The following TET3 variants were observed in gnomAD, a reference collection of about 807,000 sequenced individuals.
TET3 encodes methylcytosine dioxygenase TET3.
A neutral mutation model predicts 141.4 loss-of-function variants in TET3; 19 were observed. The ratio of observed to expected loss-of-function variants is 0.13; its 90% CI spans 0.09 to 0.20. The LOEUF (loss-of-function observed/expected upper bound fraction) is 0.20. Among genes scored for constraint, TET3 ranks in the 10% least tolerant of loss-of-function variants. The pLI is 1.00. For synonymous variants in TET3, 1,043 were observed against 980.9 expected, an observed-to-expected ratio of 1.06 and a Z score of -1.18; for missense variants, 1,874 against 2,356.9, an observed-to-expected ratio of 0.80 and a Z score of 4.24.
At chr2:74,000,575 G>A (rs530990094) in intron 2 of TET3, among the ~76,000 whole-genome samples, 2 of 152,186 alleles carry the variant, frequency 1.3e-5, no homozygotes, top group African/African-American at 2.4e-5. Flanking sequence ...GAGCAGCACC[G>A]GGAAGTCTCT....
At position 73,987,121 on chromosome 2, in the gene TET3, G is replaced by A. The variant is rs77976256; in HGVS notation, c.303+415G>A. On this transcript the variant is annotated intron_variant, in intron 2 of 11. Transcript: ENST00000409262. ...AGACAAAGTTTTGGATTGACAGGGT[G>A]GTTTTATGATGCCCTGATGGAGTGG... 7.2e-4 allele frequency among the ~76,000 whole-genome samples: 110 copies of A among 152,270 alleles called. 5 individuals are homozygous for A. In the East Asian group the frequency reaches 0.02, roughly 28 times the overall value.
chr2:74,123,680 C>T, the TET3 span, among the ~76,000 whole-genome samples: 6 of 152,308 alleles, frequency 3.9e-5, no homozygotes, highest in Admixed American at 3.3e-4. Context: ...GGCCACCACC[C>T]CGTCTGGGAA....
At chr2:74,122,507 A>ATTTTTTTT in the TET3 span, 1 of 65,152 alleles carries the variant, frequency 1.5e-5, no homozygotes, top group Non-Finnish European at 2.8e-5. Context: ...ATATATATAT[A>ATTTTTTTT]TATATTTTTT....
At chr2:74,122,511 A>ATATATATATATATATATATT in the TET3 span, 1 of 47,556 alleles carries the variant, frequency 2.1e-5, no homozygotes, top group African/African-American at 8.1e-5. Flanking sequence ...ATATATATAT[A>ATATATATATATATATATATT]TTTTTTTTTT....
chr2:74,134,650 T>C, the TET3 span: 2 of 455,580 alleles, frequency 4.4e-6, no homozygotes, highest in African/African-American at 4.0e-5. Context: ...GAGCAGAAAA[T>C]AATTTAGTGA....
chr2:74,056,767 A>G (rs1193370031), intron 4 of TET3, among the ~76,000 whole-genome samples: 1 of 152,236 alleles, frequency 6.6e-6, no homozygotes, highest in Non-Finnish European at 1.5e-5. Flanking sequence ...CAATAAAAAT[A>G]GAGGAAAAGC....
rs762250795 is a variant in TET3 at position 74,036,044 on chromosome 2, G to A, written c.361-10234G>A. Among the ~76,000 whole-genome samples, 136 of 152,122 alleles carry A rather than the reference G, an allele frequency of 8.9e-4. 1 individual carries two copies. Among genetic ancestry groups the A allele is most frequent in the Non-Finnish European group, 2.9e-4 (20 of 68,026 alleles). On this transcript the variant is annotated intron_variant, in intron 3 of 11. Coordinates refer to ENST00000409262, the MANE Select transcript of TET3 (RefSeq NM_001287491.2). ...AAAAAAGTTCTTGCTAAACCCCGTC[G>A]GCACTTGGTATTAAACTAAAATACC...
chr2:74,019,389 C>G (rs1685909714), intron 3 of TET3, among the ~76,000 whole-genome samples: 1 of 152,162 alleles, frequency 6.6e-6, no homozygotes, highest in Non-Finnish European at 1.5e-5. Context: ...TTCTGTTATA[C>G]TTTGTATCCC....
chr2:74,002,547 A>T (rs1263058532), intron 2 of TET3, among the ~76,000 whole-genome samples: 1 of 152,058 alleles, frequency 6.6e-6, no homozygotes, highest in South Asian at 2.1e-4. Flanking sequence ...CCTGGGAAGC[A>T]GCCAGCGCGG....
the TET3 span, among the ~76,000 whole-genome samples, chr2:74,132,349 A>T: frequency 6.6e-6 from 1 of 152,138 alleles, no homozygotes; most frequent in African/African-American, 2.4e-5. Flanking sequence ...ATTCAAGATG[A>T]GCCAAACAGA....
Position 74,099,445 on chromosome 2 carries a change from C to T in TET3, c.3437C>T (p.Pro1146Leu). ...SGAIQVLTAF[P>L]REVRRLPEPA... ...GCCATCCAGGTGCTCACCGCCTTCC[C>T]CCGCGAGGTCCGACGCCTGCCCGAG... Residue 1146 changes from proline to leucine, a missense_variant, in exon 11 of 12, where the codon CCC becomes CTC. Pro to Leu is a moderately conservative substitution (Grantham distance 98). Coordinates refer to ENST00000409262, the MANE Select transcript of TET3 (RefSeq NM_001287491.2). The T allele has an allele frequency of 6.2e-7, 1 of 1,613,934 alleles. No individual in the cohort carries two copies. The highest frequency in any genetic ancestry group is 8.5e-7 in the Non-Finnish European group (1 of 1,179,890).
intron 4 of TET3, among the ~76,000 whole-genome samples, chr2:74,061,376 C>T (rs1688542271): frequency 7.1e-6 from 1 of 140,218 alleles, no homozygotes; most frequent in East Asian, 2.2e-4. Context: ...GGGGCTGACC[C>T]CCCCACCTCC....
At chr2:74,007,182 T>G (rs1315626395) in intron 3 of TET3, among the ~76,000 whole-genome samples, 1 of 152,208 alleles carries the variant, frequency 6.6e-6, no homozygotes, top group Non-Finnish European at 1.5e-5. Flanking sequence ...CTTTTGTGTT[T>G]TGTATATTGA....
At chr2:74,048,835 A>G (rs1687790378) in intron 4 of TET3, among the ~76,000 whole-genome samples, 1 of 152,146 alleles carries the variant, frequency 6.6e-6, no homozygotes, top group Non-Finnish European at 1.5e-5. Context: ...GGGGTTGGGT[A>G]TATGTGGAGA....
chr2:74,098,293 A>T (rs1183231648), intron 10 of TET3, among the ~76,000 whole-genome samples: 1 of 152,264 alleles, frequency 6.6e-6, no homozygotes, highest in Non-Finnish European at 1.5e-5. Context: ...TTTGATAATG[A>T]GATTAACACA....
the TET3 span, among the ~76,000 whole-genome samples, chr2:74,118,065 TA>T: frequency 6.6e-6 from 1 of 152,304 alleles, no homozygotes; most frequent in South Asian, 2.1e-4. Flanking sequence ...TATAAAAAAT[TA>T]AAATTGATAA....
In TET3 at chr2:74,093,680, C is replaced by T; in HGVS notation, c.3267+14C>T. ...GGGTGCACCGTGGTAAGCCTGTGCC[C>T]TGTCATAGCCCCACCTGTGGGGCAA... On this transcript the variant is annotated intron_variant, in intron 10 of 11. Transcript: ENST00000409262. The surrounding 1 kb of genome is among the most constrained non-coding windows in gnomAD (Gnocchi z 4.2). The T allele has an allele frequency of 1.3e-6, 2 of 1,570,086 alleles. No individual in the cohort carries two copies. Among genetic ancestry groups the T allele is most frequent in the Non-Finnish European group, 1.7e-6 (2 of 1,153,856 alleles).
At chr2:74,014,473 A>G (rs1186763810) in intron 3 of TET3, among the ~76,000 whole-genome samples, 1 of 151,094 alleles carries the variant, frequency 6.6e-6, no homozygotes, top group South Asian at 2.1e-4. Flanking sequence ...GCACTTGGTG[A>G]CTCCCTTGGG....
In TET3 at chr2:74,087,465, A is replaced by G. The variant is rs1690224463; in HGVS notation, c.2680-365A>G. Among the ~76,000 whole-genome samples, 1 of 152,214 alleles carries G rather than the reference A, an allele frequency of 6.6e-6. No individual in the cohort carries two copies. Among genetic ancestry groups the G allele is most frequent in the Admixed American group, 6.5e-5 (1 of 15,280 alleles). Reference sequence around the variant, plus strand: ...CAGGTAGGCAGCATTTTCTCTGCAAATGTTTTAGGATAACATAAAAATCTG... The same window carrying G: ...CAGGTAGGCAGCATTTTCTCTGCAAGTGTTTTAGGATAACATAAAAATCTG... On this transcript the variant is annotated intron_variant, in intron 6 of 11. Coordinates refer to ENST00000409262, the MANE Select transcript of TET3 (RefSeq NM_001287491.2). The surrounding 1 kb of genome is among the most constrained non-coding windows in gnomAD (Gnocchi z 4.3).
Sources: gnomAD v4.1 joint callset for allele counts (sites outside exome capture counted in the v4.1 genomes callset) on GRCh38, gnomAD v4.1.1 for gene constraint, Gnocchi (gnomAD v3.1) non-coding constraint, MANE v1.5 for transcripts, NCBI Gene and HGNC (gene_info 2026-07-23, HGNC 2026-07-21) for gene names.